RAB29: variants seen among roughly 807,000 people sequenced by gnomAD.
RAB29 encodes RAB29, member RAS oncogene family, also known as ras-related protein Rab-29.
RAB29 carries 13 observed loss-of-function variants against 25.5 expected under a neutral mutation model. The observed-to-expected ratio is 0.51, with a 90% CI of 0.33 to 0.81. RAB29 has a LOEUF of 0.81. Among genes scored for constraint, RAB29 ranks in the 30% least tolerant of loss-of-function variants. RAB29 has a pLI of 0.02. For missense variants in RAB29, 201 were observed against 254.9 expected (o/e 0.79, Z 1.44); for synonymous variants, 88 against 95.0 (o/e 0.93, Z 0.43).
At chr1:205,772,687 A>G (rs1180679671) in intron 2 of RAB29, 120 bp from the exon 3 acceptor site, 2 of 926,482 alleles carry the variant, frequency 2.2e-6, no homozygotes, top group Non-Finnish European at 3.5e-6. Flanking sequence ...CCATATGTTT[A>G]ACTTTAAGCC....
chr1:205,772,846 C>T (rs1258846621), intron 2 of RAB29, among the ~76,000 whole-genome samples: 2 of 150,482 alleles, frequency 1.3e-5, no homozygotes, highest in Non-Finnish European at 2.9e-5. Context: ...GTGGGAGTAA[C>T]TATGAAAACA....
Position 205,773,605 on chromosome 1 carries a change from C to T in RAB29, c.125-1038G>A, listed in dbSNP as rs911164240. ...GTGCGAACGGGGCTCACTGAAGCCT[C>T]GACCTCCCCAGTTCAAGCAATCCTC... On this transcript the variant is annotated intron_variant, in intron 2 of 5. Transcript: ENST00000367139. 2.6e-5 allele frequency among the ~76,000 whole-genome samples: 4 copies of T among 152,136 alleles called. No individual in the cohort carries two copies. In the East Asian group the frequency reaches 7.7e-4, roughly 29 times the overall value.
chr1:205,770,854 A>G lies in RAB29; in HGVS notation c.379T>C (p.Cys127Arg). 1 of 1,614,030 alleles carries G rather than the reference A, an allele frequency of 6.2e-7. No individual in the cohort carries two copies. Among genetic ancestry groups the G allele is most frequent in the Non-Finnish European group, 8.5e-7 (1 of 1,180,010 alleles). The change falls in exon 5 of 6, where the codon TGT becomes CGT. Residue 127 changes from cysteine to arginine, a missense_variant and splice_region_variant. Cys to Arg is a radical substitution (Grantham distance 180). Coordinates refer to ENST00000367139, the MANE Select transcript of RAB29 (RefSeq NM_003929.3). ...PVPCLLLANK[C>R]DLSPWAVSRD... is the part of the protein sequence containing the mutation. The stretch of plus-strand genomic sequence containing the variant: ...CTCACTGCCCAAGGGGACAGATCAC[A>G]CTAGCAAAGAGAAAAAATAAAAGGC...
At chr1:205,774,790 C>A in intron 2 of RAB29, 43 bp downstream of exon 2, 1 of 1,340,636 alleles carries the variant, frequency 7.5e-7, no homozygotes, top group Non-Finnish European at 1.0e-6. Context: ...GCGGTCGGGG[C>A]CTCCTCCTCC....
At chr1:205,772,384 C>T in intron 3 of RAB29, 112 bp downstream of exon 3, 1 of 1,094,690 alleles carries the variant, frequency 9.1e-7, no homozygotes, top group Non-Finnish European at 1.4e-6. Context: ...GCAGCTCAAT[C>T]ATTCCAGCTT....
chr1:205,773,454 G>A (rs1011840847), intron 2 of RAB29, among the ~76,000 whole-genome samples: 2 of 152,152 alleles, frequency 1.3e-5, no homozygotes, highest in Admixed American at 1.3e-4. Context: ...AGGAGTGGGA[G>A]GGCAGAGCGG....
Position 205,768,534 on chromosome 1 carries a change from TTTG to T in RAB29, c.*1805_*1807del, listed in dbSNP as rs1654823238. The T allele has an allele frequency of 3.1e-5, 1 of 32,626 alleles. No homozygotes were observed. The highest frequency in any genetic ancestry group is 5.5e-5 in the African/African-American group (1 of 18,154). The allele number at this position is 32,626 out of a possible 1,614,324, so 2.0% of individuals were successfully genotyped here. ...GTCGGGACCCAAAAATCTTTTTCTT[TTTG>T]TTTTTTTTTTTTGGAGATGGAGTTT... On this transcript the variant is annotated 3_prime_UTR_variant, in exon 6 of 6. Coordinates refer to ENST00000367139, the MANE Select transcript of RAB29 (RefSeq NM_003929.3).
chr1:205,775,150 G>C, intron 1 of RAB29, 64 bp from the exon 2 acceptor site: 1 of 690,904 alleles, frequency 1.4e-6, no homozygotes, highest in Non-Finnish European at 2.2e-6. Context: ...TCCTCCCCGG[G>C]CGGCCGCAAC....
intron 2 of RAB29, among the ~76,000 whole-genome samples, chr1:205,772,856 A>C (rs1484913837): frequency 1.3e-5 from 2 of 152,004 alleles, no homozygotes; most frequent in African/African-American, 4.8e-5. Flanking sequence ...CTATGAAAAC[A>C]ATTCTCATTC....
intron 2 of RAB29, among the ~76,000 whole-genome samples, chr1:205,772,831 T>TG (rs1251885009): frequency 6.6e-6 from 1 of 150,948 alleles, no homozygotes; most frequent in African/African-American, 2.4e-5. Flanking sequence ...TCTCCAAGAC[T>TG]GGGGGTGGGA....
intron 3 of RAB29, 34 bp from the exon 4 acceptor site, chr1:205,771,687 C>G (rs753898085): frequency 3.1e-6 from 5 of 1,588,704 alleles, no homozygotes; most frequent in Non-Finnish European, 4.3e-6. Context: ...CAAGGTGACC[C>G]AAGAGCCGGC....
At position 205,770,224 on chromosome 1, in the gene RAB29, A is replaced by T; in HGVS notation, c.*118T>A. On this transcript the variant is annotated 3_prime_UTR_variant, in exon 6 of 6. Coordinates refer to ENST00000367139, the MANE Select transcript of RAB29 (RefSeq NM_003929.3). ...TTTCTAAGTGACAATGGGCCTCCTT[A>T]CTGGACAGTAGTCAGGAGACAATTC... is the stretch of plus-strand genomic sequence containing the variant. The T allele has an allele frequency of 1.2e-6, 1 of 828,574 alleles. No individual in the cohort carries two copies. The highest frequency in any genetic ancestry group is 2.0e-6 in the Non-Finnish European group (1 of 491,756). The allele number at this position is 828,574 out of a possible 1,614,324, so 51.3% of individuals were successfully genotyped here. A position where few individuals can be genotyped will look rare whatever the true frequency, so the allele number is the denominator to read the frequency against.
Position 205,774,820 on chromosome 1 carries a change from C to CCCCA in RAB29, c.124+12_124+13insTGGG. On this transcript the variant is annotated intron_variant, in intron 2 of 5. Coordinates refer to ENST00000367139, the MANE Select transcript of RAB29 (RefSeq NM_003929.3). ...TCCTCCCCCTCCCCCTCCCCACCCC[C>CCCCA]GAGACGTCTCACCTCCCACCGTGGA... The CCCCA allele has an allele frequency of 6.4e-7, 1 of 1,568,770 alleles. No homozygotes were observed. Among genetic ancestry groups the CCCCA allele is most frequent in the Non-Finnish European group, 8.7e-7 (1 of 1,152,670 alleles).
chr1:205,774,408 G>C (rs751655293), intron 2 of RAB29, among the ~76,000 whole-genome samples: 11 of 152,160 alleles, frequency 7.2e-5, no homozygotes, highest in Non-Finnish European at 1.0e-4. Flanking sequence ...TCAACAGAGG[G>C]GCAGGACTAC....
intron 2 of RAB29, among the ~76,000 whole-genome samples, chr1:205,773,174 T>C (rs747017352): frequency 3.9e-5 from 6 of 152,202 alleles, no homozygotes; most frequent in Non-Finnish European, 8.8e-5. Flanking sequence ...AGTCTGCAGG[T>C]GCTGAGACTC....
At position 205,769,494 on chromosome 1, in the gene RAB29, T is replaced by A. The variant is rs1654879403; in HGVS notation, c.*848A>T. On this transcript the variant is annotated 3_prime_UTR_variant, in exon 6 of 6. Coordinates refer to ENST00000367139, the MANE Select transcript of RAB29 (RefSeq NM_003929.3). ...CCCAGGCTGAAGTGCGGTGGCATGA[T>A]CTCGGTTCACTGCAACCTCTGCCTC... The A allele has an allele frequency of 6.6e-6, 1 of 152,216 alleles. No individual in the cohort carries two copies. The highest frequency in any genetic ancestry group is 6.5e-5 in the Admixed American group (1 of 15,270). The allele number at this position is 152,216 out of a possible 1,614,324, so 9.4% of individuals were successfully genotyped here. A position where few individuals can be genotyped will look rare whatever the true frequency, so the allele number is the denominator to read the frequency against.
chr1:205,774,730 C>G, intron 2 of RAB29, 103 bp downstream of exon 2: 1 of 1,284,744 alleles, frequency 7.8e-7, no homozygotes. Flanking sequence ...AAGAAGGACC[C>G]AACAACCGAC....
intron 5 of RAB29, 98 bp from the exon 6 acceptor site, chr1:205,770,551 C>T (rs1654934629): frequency 7.1e-7 from 1 of 1,416,708 alleles, no homozygotes; most frequent in South Asian, 1.2e-5. Context: ...TTGGTAAAGC[C>T]AGAAGGTTTA....
chr1:205,772,588 T>C (rs371949065), intron 2 of RAB29, 21 bp from the exon 3 acceptor site: 2 of 1,598,640 alleles, frequency 1.3e-6, no homozygotes, highest in Non-Finnish European at 1.7e-6. Flanking sequence ...ATGTACATTA[T>C]ACTTTAATAA....
Sources: gnomAD v4.1 joint callset for allele counts (sites outside exome capture counted in the v4.1 genomes callset) on GRCh38, gnomAD v4.1.1 for gene constraint, MANE v1.5 for transcripts, NCBI Gene and HGNC (gene_info 2026-07-23, HGNC 2026-07-21) for gene names.